Variants in PHLPP1 observed in about 807,000 individuals in gnomAD.
The protein encoded by PHLPP1 is PH domain leucine-rich repeat-containing protein phosphatase 1.
In PHLPP1, 42 loss-of-function variants were observed where a neutral mutation model predicts 117.2. The observed-to-expected ratio is 0.36, with a 90% CI of 0.28 to 0.46. The LOEUF (loss-of-function observed/expected upper bound fraction) is 0.46. PHLPP1 is among the 20% of genes least tolerant of loss of function. The probability of loss-of-function intolerance (pLI) is 1.00; values close to 1 mark genes in which losing one functional copy is unlikely to be tolerated. For missense variants in PHLPP1, 2,084 were observed against 2,241.9 expected (o/e 0.93, Z 1.42); for synonymous variants, 1,042 against 970.7 (o/e 1.07, Z -1.37).
chr18:62,942,854 A>G (rs1910168286), intron 11 of PHLPP1, among the ~76,000 whole-genome samples: 1 of 152,150 alleles, frequency 6.6e-6, no homozygotes, highest in Non-Finnish European at 1.5e-5. Context: ...CTTGCTGAAG[A>G]AGGAAGGCCC....
At chr18:62,919,775 C>G (rs1043928057) in intron 9 of PHLPP1, among the ~76,000 whole-genome samples, 184 bp from the exon 10 acceptor site, 14 of 152,178 alleles carry the variant, frequency 9.2e-5, no homozygotes, top group African/African-American at 3.1e-4. Context: ...TATTTGTTTA[C>G]ATAGTTTTTT....
intron 6 of PHLPP1, among the ~76,000 whole-genome samples, chr18:62,900,360 C>T (rs1916682471): frequency 6.8e-6 from 1 of 147,522 alleles, no homozygotes; most frequent in Non-Finnish European, 1.5e-5. Flanking sequence ...AAAAGTTTGT[C>T]CTAGTTACAT....
At position 62,895,970 on chromosome 18, in the gene PHLPP1, G is replaced by A. The variant is rs768706346; in HGVS notation, c.2403G>A (p.Gln801=). ...ACTGTGTGGAGACCCTTAGGCTACAGGCTTTAAGAAAAATGCCTCACATTA... is the reference window on the plus strand; with the variant it reads ...ACTGTGTGGAGACCCTTAGGCTACAAGCTTTAAGAAAAATGCCTCACATTA... ...SGNCVETLRL[Q]ALRKMPHIKH... The change falls in exon 6 of 17, where the codon CAG becomes CAA. Residue 801 remains glutamine, a synonymous_variant. Coordinates refer to ENST00000262719, the MANE Select transcript of PHLPP1 (RefSeq NM_194449.4). The A allele has an allele frequency of 1.2e-6, 2 of 1,613,640 alleles. No homozygotes were observed. The highest frequency in any genetic ancestry group is 3.3e-5 in the Admixed American group (2 of 60,014).
chr18:62,917,744 G>T (rs1909335633), intron 9 of PHLPP1, among the ~76,000 whole-genome samples: 1 of 151,814 alleles, frequency 6.6e-6, no homozygotes, highest in South Asian at 2.1e-4. Context: ...AGCCTAGGAG[G>T]TTGAGGTTAC....
chr18:62,764,683 T>G (rs1263164152), intron 1 of PHLPP1, among the ~76,000 whole-genome samples: 1 of 152,232 alleles, frequency 6.6e-6, no homozygotes, highest in African/African-American at 2.4e-5. Flanking sequence ...TAGTCACACT[T>G]ACGTCCTAGG....
chr18:62,838,453 TTAAG>T (rs1014188780), intron 2 of PHLPP1: 3 of 185,248 alleles, frequency 1.6e-5, no homozygotes, highest in Non-Finnish European at 3.3e-5. Context: ...AAGTAAAATC[TTAAG>T]TAAAAATTCT....
chr18:62,940,354 CTTTT>C (rs66530466), intron 10 of PHLPP1, among the ~76,000 whole-genome samples: 17 of 46,790 alleles, frequency 3.6e-4, no homozygotes, highest in Admixed American at 9.5e-4. Context: ...TCTTTCTTTT[CTTTT>C]TTTTTTTTTT....
intron 4 of PHLPP1, among the ~76,000 whole-genome samples, chr18:62,870,113 G>A (rs1915863771): frequency 6.6e-6 from 1 of 152,078 alleles, no homozygotes; most frequent in African/African-American, 2.4e-5. Flanking sequence ...GGCCAGGCTG[G>A]TCTCGAACTC....
intron 3 of PHLPP1, among the ~76,000 whole-genome samples, chr18:62,850,073 A>ATT (rs550738658): frequency 3.7e-5 from 5 of 135,216 alleles, no homozygotes; most frequent in Admixed American, 7.6e-5. Flanking sequence ...TTAAACATCA[A>ATT]TTTTTTTTTT....
chr18:62,812,743 C>A (rs1319985137), intron 1 of PHLPP1, among the ~76,000 whole-genome samples: 3 of 151,324 alleles, frequency 2.0e-5, no homozygotes. Context: ...TGGAAAAGTA[C>A]CACAAAAATA....
chr18:62,717,039 C>G lies in PHLPP1; in HGVS notation c.1356C>G (p.Pro452=). 4 of 1,546,228 alleles carry G rather than the reference C, an allele frequency of 2.6e-6. No homozygotes were observed. Among genetic ancestry groups the G allele is most frequent in the Non-Finnish European group, 3.5e-6 (4 of 1,146,240 alleles). The change falls in exon 1 of 17, where the codon CCC becomes CCG. Residue 452 remains proline, a synonymous_variant. Transcript: ENST00000262719. ...AVAPGGLQST[P]GRSGVTAEKA... is the part of the protein sequence containing the mutation. ...CCCCGGGAGGCCTCCAGTCTACCCC[C>G]GGGAGGAGCGGGGTGACCGCGGAGA... is the stretch of plus-strand genomic sequence containing the variant.
chr18:62,846,209 C>CAA (rs34577472), intron 3 of PHLPP1, among the ~76,000 whole-genome samples: 272 of 78,320 alleles, frequency 3.5e-3, no homozygotes, highest in African/African-American at 6.8e-3. Context: ...AACTCCATCT[C>CAA]AAAAAAAAAA....
At chr18:62,975,709 T>A in intron 16 of PHLPP1, 84 bp downstream of exon 16, 1 of 873,214 alleles carries the variant, frequency 1.1e-6, no homozygotes, top group Non-Finnish European at 1.9e-6. Flanking sequence ...TAGGGAGCAT[T>A]TGCCTTCAAA....
In PHLPP1 at chr18:62,809,422, C is replaced by T. The variant is rs144870763; in HGVS notation, c.1577-20613C>T. 4.6e-5 allele frequency among the ~76,000 whole-genome samples: 7 copies of T among 152,280 alleles called. No homozygotes were observed. In the East Asian group the frequency reaches 1.4e-3, roughly 29 times the overall value. On this transcript the variant is annotated intron_variant, in intron 1 of 16. Coordinates refer to ENST00000262719, the MANE Select transcript of PHLPP1 (RefSeq NM_194449.4). ...TATAAGTATCAAAAAGGTAACAGGC[C>T]AGGTGCGGTGGCTTATGCCTGTAAT...
chr18:62,838,309 T>G (rs1318135522), intron 2 of PHLPP1: 1 of 152,500 alleles, frequency 6.6e-6, no homozygotes, highest in South Asian at 2.1e-4. Flanking sequence ...AAATTTGATT[T>G]GACTGTATTT....
chr18:62,822,028 T>C (rs1173915733), intron 1 of PHLPP1, among the ~76,000 whole-genome samples: 1 of 152,110 alleles, frequency 6.6e-6, no homozygotes, highest in African/African-American at 2.4e-5. Context: ...CCCAGGAGTT[T>C]GATGTTACAC....
At chr18:62,933,639 A>G (rs1251361495) in intron 10 of PHLPP1, among the ~76,000 whole-genome samples, 1 of 152,182 alleles carries the variant, frequency 6.6e-6, no homozygotes, top group Non-Finnish European at 1.5e-5. Flanking sequence ...TAAATATAAT[A>G]CCTCAAAGGA....
chr18:62,787,204 T>A (rs1311080812), intron 1 of PHLPP1, among the ~76,000 whole-genome samples: 24 of 152,108 alleles, frequency 1.6e-4, no homozygotes, highest in Non-Finnish European at 2.2e-4. Flanking sequence ...ATTTTTGAAA[T>A]ATAGCTAACC....
At chr18:62,726,562 C>A (rs1481187362) in intron 1 of PHLPP1, among the ~76,000 whole-genome samples, 1 of 146,424 alleles carries the variant, frequency 6.8e-6, no homozygotes, top group Non-Finnish European at 1.5e-5. Flanking sequence ...TCTTTTCTTT[C>A]CTTTTCTGTT....
Sources: allele counts gnomAD v4.1 joint callset (sites outside exome capture counted in the v4.1 genomes callset), GRCh38; gene constraint gnomAD v4.1.1; transcripts MANE v1.5; gene names NCBI Gene and HGNC (gene_info 2026-07-23, HGNC 2026-07-21).